Variants in RFTN1 observed in about 807,000 individuals in gnomAD.
RFTN1 encodes raftlin, lipid raft linker 1, also known as raftlin.
RFTN1 carries 26 observed loss-of-function variants against 46.5 expected under a neutral mutation model. The ratio of observed to expected loss-of-function variants is 0.56; its 90% CI spans 0.41 to 0.78. The LOEUF (loss-of-function observed/expected upper bound fraction) is 0.78, where lower values mean the gene tolerates loss of function less well. Among genes scored for constraint, RFTN1 ranks in the 30% least tolerant of loss-of-function variants. The pLI, the probability that RFTN1 is intolerant of heterozygous loss-of-function variation, is 0.00. For missense variants in RFTN1, 693 were observed against 718.7 expected (o/e 0.96, Z 0.41); for synonymous variants, 261 against 284.2 (o/e 0.92, Z 0.82).
chr3:16,377,694 A>G, intron 5 of RFTN1, 24 bp downstream of exon 5: 1 of 1,556,798 alleles, frequency 6.4e-7, no homozygotes, highest in Non-Finnish European at 8.7e-7. Flanking sequence ...AGTGGGTCAA[A>G]ACTCCCATTG....
intron 2 of RFTN1, among the ~76,000 whole-genome samples, chr3:16,485,859 G>A (rs760518069): frequency 9.8e-5 from 15 of 152,312 alleles, no homozygotes; most frequent in Non-Finnish European, 1.9e-4. Flanking sequence ...TTTCATGTGC[G>A]GTGGATAAGC....
In RFTN1 at chr3:16,489,039, G is replaced by A. The variant is rs1178597451; in HGVS notation, c.145+4686C>T. Among the ~76,000 whole-genome samples the A allele has an allele frequency of 6.6e-6, 1 of 152,186 alleles. No homozygotes were observed. The highest frequency in any genetic ancestry group is 1.5e-5 in the Non-Finnish European group (1 of 68,032). ...AACAACATAAATCAATCTTAAATGA[G>A]TAAGTTGAGTGAATGAGAAGAGCTA... On this transcript the variant is annotated intron_variant, in intron 2 of 9. Coordinates refer to ENST00000334133, the MANE Select transcript of RFTN1 (RefSeq NM_015150.2). The surrounding 1 kb of genome is among the most constrained non-coding windows in gnomAD (Gnocchi z 4.0).
chr3:16,350,528 A>G (rs111496018), intron 7 of RFTN1, among the ~76,000 whole-genome samples: 3 of 151,786 alleles, frequency 2.0e-5, no homozygotes, highest in African/African-American at 7.3e-5. Context: ...GCACTCATCC[A>G]TACATACTAT....
intron 2 of RFTN1, among the ~76,000 whole-genome samples, chr3:16,437,716 C>G (rs2075544140): frequency 6.6e-6 from 1 of 152,020 alleles, no homozygotes; most frequent in African/African-American, 2.4e-5. Context: ...ACTTTAAGCT[C>G]CAATACGGCT....
chr3:16,452,757 A>G lies in RFTN1; in HGVS notation c.146-18720T>C, dbSNP rs967517718. On this transcript the variant is annotated intron_variant, in intron 2 of 9. Coordinates refer to ENST00000334133, the MANE Select transcript of RFTN1 (RefSeq NM_015150.2). The surrounding 1 kb of genome is among the most constrained non-coding windows in gnomAD (Gnocchi z 6.3). ...TCCACTGGATTTAGAGATCACTGGGAGTGGAGAAATGCAACCAAGTCAGGC... is the reference window on the plus strand; with the variant it reads ...TCCACTGGATTTAGAGATCACTGGGGGTGGAGAAATGCAACCAAGTCAGGC... Among the ~76,000 whole-genome samples the G allele has an allele frequency of 7.9e-5, 12 of 152,204 alleles. No homozygotes were observed. The highest frequency in any genetic ancestry group is 2.9e-4 in the African/African-American group (12 of 41,448).
chr3:16,404,321 A>ATATATAAT (rs2074783608), intron 4 of RFTN1, among the ~76,000 whole-genome samples: 1 of 22,580 alleles, frequency 4.4e-5, no homozygotes, highest in African/African-American at 1.8e-4. Flanking sequence ...TATTATATAT[A>ATATATAAT]ATATATAATA....
intron 1 of RFTN1, among the ~76,000 whole-genome samples, chr3:16,511,980 G>C (rs1165284961): frequency 6.6e-5 from 10 of 152,068 alleles, no homozygotes; most frequent in Non-Finnish European, 1.3e-4. Flanking sequence ...CTGGGGCTTT[G>C]AATCACTCAG....
intron 2 of RFTN1, among the ~76,000 whole-genome samples, chr3:16,463,859 C>T (rs1161779936): frequency 6.6e-6 from 1 of 152,142 alleles, no homozygotes; most frequent in East Asian, 1.9e-4. Flanking sequence ...GATGGGGGTG[C>T]GGGCTGATGA....
chr3:16,316,630 C>G lies in RFTN1; in HGVS notation c.*198G>C. 1.5e-6 allele frequency: 1 copy of G among 674,682 alleles called. No individual in the cohort carries two copies. The highest frequency in any genetic ancestry group is 2.6e-6 in the Non-Finnish European group (1 of 381,722). 41.8% of individuals were successfully genotyped at this position (674,682 alleles called of 1,614,324 possible). On this transcript the variant is annotated 3_prime_UTR_variant, in exon 10 of 10. Transcript: ENST00000334133. This position sits in a 1 kb window ranked among gnomAD's most constrained non-coding sequence, Gnocchi z 4.5. ...TCTAACACTGGGTCATTAATGACAC[C>G]TTTCCAGTGGATGTGCAAAAACCAA...
chr3:16,326,301 C>A lies in RFTN1; in HGVS notation c.1250+472G>T, dbSNP rs150539003. On this transcript the variant is annotated intron_variant, in intron 8 of 9. Transcript: ENST00000334133. ...CCCTTTGTGGAGCTGGTGACCAGTG[C>A]TTGATCTTGGCCAAGTCCCTCAACC... 9.1e-4 allele frequency among the ~76,000 whole-genome samples: 138 copies of A among 152,368 alleles called. 1 individual carries two copies. The highest frequency in any genetic ancestry group is 3.0e-3 in the African/African-American group (126 of 41,594).
At chr3:16,398,090 C>T (rs1449094082) in intron 4 of RFTN1, among the ~76,000 whole-genome samples, 2 of 151,438 alleles carry the variant, frequency 1.3e-5, no homozygotes, top group Non-Finnish European at 1.5e-5. Flanking sequence ...ACTAAAAATA[C>T]GAAAAAATCA....
intron 6 of RFTN1, among the ~76,000 whole-genome samples, chr3:16,360,203 A>C (rs1324664212): frequency 6.6e-6 from 1 of 151,578 alleles, no homozygotes; most frequent in Non-Finnish European, 1.5e-5. Flanking sequence ...GTAGGGTCTC[A>C]CTCTGTCTCT....
intron 7 of RFTN1, among the ~76,000 whole-genome samples, chr3:16,355,746 A>T (rs543821198): frequency 6.6e-6 from 1 of 152,334 alleles, no homozygotes; most frequent in East Asian, 1.9e-4. Flanking sequence ...GCAGATCTGG[A>T]GTGGGGCCCA....
At chr3:16,493,923 T>C in intron 1 of RFTN1, 46 bp from the exon 2 acceptor site, 1 of 1,610,282 alleles carries the variant, frequency 6.2e-7, no homozygotes, top group Non-Finnish European at 8.5e-7. Context: ...TTTTCTGAGA[T>C]TTTGTCTTTA....
In RFTN1 at chr3:16,400,309, C is replaced by G. The variant is rs1052824094; in HGVS notation, c.441+9066G>C. On this transcript the variant is annotated intron_variant, in intron 4 of 9. Transcript: ENST00000334133. This position sits in a 1 kb window ranked among gnomAD's most constrained non-coding sequence, Gnocchi z 4.5. The stretch of plus-strand genomic sequence containing the variant: ...GAGCTGCTCCAGGAGTCCCCACCAC[C>G]TCCACCCTCCCTCCCCTGTTGACCC... Among the ~76,000 whole-genome samples, 1 of 152,196 alleles carries G rather than the reference C, an allele frequency of 6.6e-6. No individual in the cohort carries two copies. The highest frequency in any genetic ancestry group is 1.5e-5 in the Non-Finnish European group (1 of 68,028).
At chr3:16,393,237 G>C (rs369072593) in intron 4 of RFTN1, among the ~76,000 whole-genome samples, 1 of 152,158 alleles carries the variant, frequency 6.6e-6, no homozygotes, top group Non-Finnish European at 1.5e-5. Flanking sequence ...AGATGGGTGG[G>C]AAGGTAGGTG....
chr3:16,337,327 CA>C lies in RFTN1; in HGVS notation c.1147-10452del, dbSNP rs2070950320. 2 of 152,206 alleles carry C rather than the reference CA, an allele frequency of 1.3e-5. No homozygotes were observed. Among genetic ancestry groups the C allele is most frequent in the South Asian group, 4.1e-4 (2 of 4,830 alleles). The allele number at this position is 152,206 out of a possible 1,614,324, so 9.4% of individuals were successfully genotyped here. On this transcript the variant is annotated intron_variant, in intron 7 of 9. Transcript: ENST00000334133. The surrounding 1 kb of genome is among the most constrained non-coding windows in gnomAD (Gnocchi z 5.0). ...ACCTGTTTGGGTTATGATTTTAACT[CA>C]CTAAGCTTTGGGGAGCTTTATTACA...
chr3:16,404,320 T>C (rs577663745), intron 4 of RFTN1, among the ~76,000 whole-genome samples: 1 of 24,146 alleles, frequency 4.1e-5, no homozygotes, highest in African/African-American at 2.5e-4. Context: ...ATATTATATA[T>C]AATATATAAT....
rs1297411688 is a variant in RFTN1, at chr3:16,507,861, A to G, written c.-9+5581T>C. ...CACATACACACATATATATACACAC[A>G]CACATGCACACATATGAAAGCTGAT... On this transcript the variant is annotated intron_variant, in intron 1 of 9. Coordinates refer to ENST00000334133, the MANE Select transcript of RFTN1 (RefSeq NM_015150.2). This position sits in a 1 kb window ranked among gnomAD's most constrained non-coding sequence, Gnocchi z 7.1. Among the ~76,000 whole-genome samples, 1 of 152,046 alleles carries G rather than the reference A, an allele frequency of 6.6e-6. No individual in the cohort carries two copies.
Sources: allele counts gnomAD v4.1 joint callset (sites outside exome capture counted in the v4.1 genomes callset), GRCh38; gene constraint gnomAD v4.1.1; non-coding constraint Gnocchi (gnomAD v3.1); transcripts MANE v1.5; gene names NCBI Gene and HGNC (gene_info 2026-07-23, HGNC 2026-07-21).